Variants in ERC2 observed in about 807,000 individuals in gnomAD.
The protein encoded by ERC2 is ELKS/RAB6-interacting/CAST family member 2.
In ERC2, 42 loss-of-function variants were observed where a neutral mutation model predicts 114.8. The ratio of observed to expected loss-of-function variants is 0.37; its 90% CI spans 0.29 to 0.47. The LOEUF is 0.47. ERC2 is among the 20% of genes least tolerant of loss of function. The pLI, the probability that ERC2 is intolerant of heterozygous loss-of-function variation, is 0.99. For synonymous variants in ERC2, 454 were observed against 425.5 expected, an observed-to-expected ratio of 1.07 and a Z score of -0.82; for missense variants, 939 against 1,150.7, an observed-to-expected ratio of 0.82 and a Z score of 2.66.
chr3:55,809,322 A>G (rs894367762), intron 14 of ERC2, among the ~76,000 whole-genome samples: 4 of 152,162 alleles, frequency 2.6e-5, no homozygotes, highest in Non-Finnish European at 4.4e-5. Context: ...ACATCAGTCT[A>G]GGCAAGGATT....
chr3:55,779,327 CAAAAAAAAAAAAAAAA>C (rs60185894), intron 14 of ERC2, among the ~76,000 whole-genome samples: 1 of 62,470 alleles, frequency 1.6e-5, no homozygotes, highest in African/African-American at 4.8e-5. Context: ...ACTAAAAATA[CAAAAAAAAAAAAAAAA>C]AAAAAAAAAT....
At chr3:55,532,271 C>T (rs569818935) in intron 17 of ERC2, among the ~76,000 whole-genome samples, 4 of 152,324 alleles carry the variant, frequency 2.6e-5, no homozygotes, top group Non-Finnish European at 4.4e-5. Context: ...AGCTGCTCAA[C>T]GTTTCACTGC....
At chr3:55,832,517 G>A (rs2060651432) in intron 14 of ERC2, among the ~76,000 whole-genome samples, 1 of 152,242 alleles carries the variant, frequency 6.6e-6, no homozygotes, top group Admixed American at 6.5e-5. Context: ...TGGACCTCTA[G>A]CAAACTCCAA....
intron 13 of ERC2, among the ~76,000 whole-genome samples, chr3:55,914,698 A>G (rs1259207622): frequency 1.3e-5 from 2 of 152,162 alleles, no homozygotes; most frequent in African/African-American, 4.8e-5. Context: ...CCATTTTCCA[A>G]CCAGCAGATG....
chr3:56,221,802 G>A (rs2049932771), intron 3 of ERC2, among the ~76,000 whole-genome samples: 1 of 152,104 alleles, frequency 6.6e-6, no homozygotes, highest in Non-Finnish European at 1.5e-5. Flanking sequence ...TCCTTGGGAG[G>A]CTGAGGCAGG....
intron 14 of ERC2, among the ~76,000 whole-genome samples, chr3:55,771,015 T>A: frequency 6.6e-6 from 1 of 152,254 alleles, no homozygotes; most frequent in Non-Finnish European, 1.5e-5. Flanking sequence ...ATGGTGTATA[T>A]GTGCCACATT....
chr3:56,277,368 A>G (rs1201088880), intron 3 of ERC2, among the ~76,000 whole-genome samples: 1 of 151,950 alleles, frequency 6.6e-6, no homozygotes, highest in Non-Finnish European at 1.5e-5. Flanking sequence ...CCAAACCCAC[A>G]TCTCTAGCCT....
chr3:55,650,837 G>A (rs1380733732), intron 17 of ERC2, among the ~76,000 whole-genome samples: 3 of 96,962 alleles, frequency 3.1e-5, no homozygotes, highest in Non-Finnish European at 3.9e-5. Flanking sequence ...GCCTCTCATA[G>A]GGTGTTTTTT....
chr3:56,085,955 T>C (rs1007149439), intron 6 of ERC2, among the ~76,000 whole-genome samples: 5 of 152,134 alleles, frequency 3.3e-5, no homozygotes, highest in African/African-American at 1.2e-4. Context: ...AACTGTGATA[T>C]AAATAAATTA....
At chr3:55,767,085 A>C (rs2067850938) in intron 14 of ERC2, among the ~76,000 whole-genome samples, 1 of 152,224 alleles carries the variant, frequency 6.6e-6, no homozygotes, top group African/African-American at 2.4e-5. Flanking sequence ...AATGGTGAAC[A>C]AAACTAGGCA....
chr3:56,290,465 T>C (rs2055010055), intron 3 of ERC2, among the ~76,000 whole-genome samples: 1 of 152,218 alleles, frequency 6.6e-6, no homozygotes, highest in Non-Finnish European at 1.5e-5. Context: ...AGATCGTGTA[T>C]ATAAAATGTT....
chr3:55,731,927 C>A (rs1335259175), intron 15 of ERC2, among the ~76,000 whole-genome samples: 1 of 152,156 alleles, frequency 6.6e-6, no homozygotes, highest in East Asian at 1.9e-4. Flanking sequence ...TTTTTGGCAT[C>A]TACTTTACGT....
At chr3:56,357,893 C>G (rs578083798) in intron 2 of ERC2, among the ~76,000 whole-genome samples, 1 of 151,278 alleles carries the variant, frequency 6.6e-6, no homozygotes, top group Non-Finnish European at 1.5e-5. Flanking sequence ...TCCAGGTGTG[C>G]CTGAATCTAT....
At chr3:56,252,374 G>T (rs948136730) in intron 3 of ERC2, among the ~76,000 whole-genome samples, 6 of 152,028 alleles carry the variant, frequency 3.9e-5, no homozygotes, top group African/African-American at 1.5e-4. Context: ...TTCCATCTAA[G>T]GTTAAACCTG....
chr3:56,062,198 A>T lies in ERC2; in HGVS notation c.1641+18619T>A, dbSNP rs190759889. Among the ~76,000 whole-genome samples, 917 of 152,332 alleles carry T rather than the reference A, an allele frequency of 6.0e-3. 10 individuals are homozygous for T. The highest frequency in any genetic ancestry group is 0.021 in the African/African-American group (873 of 41,578). ...GAAGTATAACATGGTACTTACATGT[A>T]AGCTAATTATTTTAAAATAAAGAAG... On this transcript the variant is annotated intron_variant, in intron 7 of 17. Transcript: ENST00000288221.
At chr3:56,330,897 C>A (rs2057579840) in intron 2 of ERC2, among the ~76,000 whole-genome samples, 1 of 152,158 alleles carries the variant, frequency 6.6e-6, no homozygotes, top group African/African-American at 2.4e-5. Flanking sequence ...ATGCTCATTG[C>A]AGGACTTATG....
chr3:55,854,611 A>G (rs950115772), intron 14 of ERC2, among the ~76,000 whole-genome samples: 3 of 152,166 alleles, frequency 2.0e-5, no homozygotes, highest in African/African-American at 7.2e-5. Context: ...CATCCAGCCC[A>G]GATCCCCTAA....
chr3:55,870,988 T>G (rs780482840), intron 14 of ERC2, among the ~76,000 whole-genome samples: 2 of 152,114 alleles, frequency 1.3e-5, no homozygotes, highest in Non-Finnish European at 2.9e-5. Context: ...GAATCAATCC[T>G]CTCTAGAGCA....
chr3:55,740,542 G>C (rs911441410), intron 14 of ERC2, among the ~76,000 whole-genome samples: 1 of 151,880 alleles, frequency 6.6e-6, no homozygotes, highest in African/African-American at 2.4e-5. Context: ...AATAATTCTA[G>C]TCCATTTAAA....
Sources: gnomAD v4.1 joint callset for allele counts (sites outside exome capture counted in the v4.1 genomes callset) on GRCh38, gnomAD v4.1.1 for gene constraint, MANE v1.5 for transcripts, NCBI Gene and HGNC (gene_info 2026-07-23, HGNC 2026-07-21) for gene names.